MTHFD1L: variants seen among roughly 807,000 people sequenced by gnomAD.
MTHFD1L encodes methylenetetrahydrofolate dehydrogenase (NADP+ dependent) 1 like.
Under a neutral mutation model 119.5 loss-of-function variants are expected in MTHFD1L, and 81 were observed. The ratio of observed to expected loss-of-function variants is 0.68; its 90% CI spans 0.57 to 0.82. The LOEUF (loss-of-function observed/expected upper bound fraction) is 0.82. Among genes scored for constraint, MTHFD1L ranks in the 40% least tolerant of loss-of-function variants. The pLI is 0.00. For synonymous variants in MTHFD1L, 430 were observed against 475.2 expected (o/e 0.90, Z 1.24); for missense variants, 1,125 against 1,253.4 (o/e 0.90, Z 1.55).
chr6:150,979,787 A>G (rs540526), intron 20 of MTHFD1L, among the ~76,000 whole-genome samples: 82,655 of 151,994 alleles, frequency 0.54, 24,050 homozygotes, highest in African/African-American at 0.74. Flanking sequence ...GCTGTGCACC[A>G]CTGCACCCAG....
chr6:150,919,524 C>T (rs987512872), intron 9 of MTHFD1L, among the ~76,000 whole-genome samples: 1 of 152,190 alleles, frequency 6.6e-6, no homozygotes. Context: ...CGCGCCTGAC[C>T]TGGCTCACAG....
At chr6:151,008,092 T>G (rs1781651978) in intron 20 of MTHFD1L, among the ~76,000 whole-genome samples, 1 of 152,220 alleles carries the variant, frequency 6.6e-6, no homozygotes, top group Non-Finnish European at 1.5e-5. Flanking sequence ...TGAAAGAGAT[T>G]AAAGCACATA....
chr6:150,882,963 A>T (rs1020337285), intron 5 of MTHFD1L, 77 bp downstream of exon 5: 1 of 1,304,774 alleles, frequency 7.7e-7, no homozygotes, highest in Non-Finnish European at 1.0e-6. Context: ...ATTTTTCTAA[A>T]TTTCTTCTAT....
chr6:151,096,931 A>C (rs903554437), intron 27 of MTHFD1L, among the ~76,000 whole-genome samples: 1 of 152,230 alleles, frequency 6.6e-6, no homozygotes, highest in South Asian at 2.1e-4. Flanking sequence ...TAGTGCCTTC[A>C]CTGTGGTTAG....
intron 11 of MTHFD1L, 98 bp from the exon 12 acceptor site, chr6:150,936,706 A>G: frequency 7.1e-7 from 1 of 1,418,018 alleles, no homozygotes; most frequent in East Asian, 2.3e-5. Flanking sequence ...GTGCATTTTG[A>G]AATGAGCACC....
intron 11 of MTHFD1L, chr6:150,934,951 T>C (rs1210313655): frequency 8.5e-6 from 13 of 1,521,782 alleles, no homozygotes; most frequent in African/African-American, 1.4e-5. Context: ...ATTTGGGACA[T>C]TTATTTGCAC....
At chr6:151,099,789 G>T in intron 27 of MTHFD1L, 1 of 1,607,434 alleles carries the variant, frequency 6.2e-7, no homozygotes, top group Non-Finnish European at 8.5e-7. Flanking sequence ...TGGAAGTGCT[G>T]CTGATGTGCA....
chr6:151,031,593 A>G (rs991933814), intron 24 of MTHFD1L, among the ~76,000 whole-genome samples: 3 of 152,186 alleles, frequency 2.0e-5, no homozygotes, highest in Admixed American at 6.5e-5. Flanking sequence ...GAAGATTACT[A>G]ATCTTTTGAC....
At chr6:151,021,212 C>T (rs1376116342) in intron 24 of MTHFD1L, among the ~76,000 whole-genome samples, 1 of 152,082 alleles carries the variant, frequency 6.6e-6, no homozygotes, top group Non-Finnish European at 1.5e-5. Flanking sequence ...TGCTGTGAGA[C>T]CCAAATGAAA....
intron 20 of MTHFD1L, among the ~76,000 whole-genome samples, chr6:150,977,906 T>TG (rs1168101833): frequency 6.6e-6 from 1 of 151,044 alleles, no homozygotes; most frequent in Non-Finnish European, 1.5e-5. Flanking sequence ...ATACACCTTT[T>TG]TTTTTTTTTT....
chr6:151,042,074 C>T (rs1288261799), intron 26 of MTHFD1L: 1 of 329,138 alleles, frequency 3.0e-6, no homozygotes, highest in Non-Finnish European at 6.0e-6. Context: ...GGTGTAACAG[C>T]TTCACTAGTC....
intron 26 of MTHFD1L, among the ~76,000 whole-genome samples, chr6:151,068,548 T>C (rs1310910266): frequency 6.6e-6 from 1 of 152,212 alleles, no homozygotes; most frequent in African/African-American, 2.4e-5. Flanking sequence ...CTCTGACCTT[T>C]GTTCTTTTTT....
chr6:151,009,851 A>G lies in MTHFD1L; in HGVS notation c.2158A>G (p.Met720Val). ...TEAGFGADIG[M>V]EKFFNIKCRA... Reference sequence around the variant, plus strand: ...AGCTGGCTTTGGTGCTGACATCGGAATGGAGAAATTCTTCAACATCAAGTG... The same window carrying G: ...AGCTGGCTTTGGTGCTGACATCGGAGTGGAGAAATTCTTCAACATCAAGTG... The change falls in exon 21 of 28, where the codon ATG becomes GTG. Residue 720 changes from methionine (M) to valine (V), a missense_variant. By Grantham distance (21) the Met-to-Val change is conservative (BLOSUM62 1). This residue lies in a region of MTHFD1L where 1,058 missense variants were observed against 1,151.2 expected (regional missense o/e 0.92). Coordinates refer to ENST00000367321, the MANE Select transcript of MTHFD1L (RefSeq NM_015440.5). 1 of 1,613,916 alleles carries G rather than the reference A, an allele frequency of 6.2e-7. No individual in the cohort carries two copies. Among genetic ancestry groups the G allele is most frequent in the African/African-American group, 1.3e-5 (1 of 75,056 alleles).
chr6:151,069,188 T>C (rs762949930), intron 26 of MTHFD1L, among the ~76,000 whole-genome samples: 1 of 152,042 alleles, frequency 6.6e-6, no homozygotes, highest in African/African-American at 2.4e-5. Flanking sequence ...CTCATGACTT[T>C]TTAGCCACGG....
At chr6:151,073,942 A>T (rs1792230375) in intron 26 of MTHFD1L, among the ~76,000 whole-genome samples, 1 of 152,198 alleles carries the variant, frequency 6.6e-6, no homozygotes, top group Admixed American at 6.5e-5. Flanking sequence ...ATTTGATAGA[A>T]ACTATAAACT....
intron 21 of MTHFD1L, among the ~76,000 whole-genome samples, chr6:151,012,584 C>T (rs1026706352): frequency 6.6e-6 from 1 of 152,002 alleles, no homozygotes; most frequent in Non-Finnish European, 1.5e-5. Flanking sequence ...CCAGAGTGCT[C>T]GGCCATTCCC....
chr6:150,942,236 G>T (rs1211325797), intron 13 of MTHFD1L, among the ~76,000 whole-genome samples: 2 of 152,124 alleles, frequency 1.3e-5, no homozygotes, highest in Admixed American at 1.3e-4. Context: ...TCCAGCCCAG[G>T]CAACAAGAGC....
chr6:151,030,798 A>G (rs1785239608), intron 24 of MTHFD1L, among the ~76,000 whole-genome samples: 1 of 152,198 alleles, frequency 6.6e-6, no homozygotes, highest in Non-Finnish European at 1.5e-5. Context: ...GCTGTATCCT[A>G]TCTTGCCTCT....
intron 11 of MTHFD1L, among the ~76,000 whole-genome samples, chr6:150,936,029 A>G (rs1331733780): frequency 1.1e-4 from 16 of 152,224 alleles, no homozygotes; most frequent in Non-Finnish European, 7.3e-5. Context: ...AAGTGTTGTC[A>G]TCAACAATAA....
Sources: allele counts gnomAD v4.1 joint callset (sites outside exome capture counted in the v4.1 genomes callset), GRCh38; gene constraint gnomAD v4.1.1; regional missense constraint gnomAD v4.1.1; transcripts MANE v1.5; gene names NCBI Gene and HGNC (gene_info 2026-07-23, HGNC 2026-07-21).